CD96: variants seen among roughly 807,000 people sequenced by gnomAD.
The protein encoded by CD96 is T-cell surface protein tactile.
In CD96, 70 loss-of-function variants were observed where a neutral mutation model predicts 71.3. That is an observed-to-expected ratio of 0.98 (90% confidence interval 0.81 to 1.20). The LOEUF (loss-of-function observed/expected upper bound fraction) is 1.20, where lower values mean the gene tolerates loss of function less well. Ranked by LOEUF, CD96 falls within the 50% of genes most tolerant of loss-of-function variation. CD96 has a pLI of 0.00. For synonymous variants in CD96, 248 were observed against 233.0 expected (o/e 1.06, Z -0.59); for missense variants, 742 against 677.5 (o/e 1.10, Z -1.06).
intron 1 of CD96, 145 bp from the exon 2 acceptor site, chr3:111,544,901 A>G: frequency 1.4e-6 from 1 of 734,764 alleles, no homozygotes; most frequent in Non-Finnish European, 2.4e-6. Context: ...TCTGAGTGAG[A>G]CACAAGCTCT....
chr3:111,660,359 T>TGGA (rs1940326514), intron 14 of CD96, among the ~76,000 whole-genome samples: 1 of 152,078 alleles, frequency 6.6e-6, no homozygotes, highest in African/African-American at 2.4e-5. Flanking sequence ...TTGAAAGAAA[T>TGGA]CAGAGATGAC....
chr3:111,624,448 C>A, intron 10 of CD96, 44 bp downstream of exon 10: 2 of 1,059,156 alleles, frequency 1.9e-6, no homozygotes, highest in South Asian at 2.5e-5. Context: ...GGACTTCAGT[C>A]ATTCATCCGA....
At chr3:111,575,311 A>G (rs1936173331) in intron 3 of CD96, among the ~76,000 whole-genome samples, 1 of 152,266 alleles carries the variant, frequency 6.6e-6, no homozygotes, top group South Asian at 2.1e-4. Flanking sequence ...AAGGAGCACA[A>G]AAAGTTAGTG....
intron 5 of CD96, chr3:111,594,258 T>A: frequency 6.6e-7 from 1 of 1,509,496 alleles, no homozygotes; most frequent in Non-Finnish European, 8.9e-7. Flanking sequence ...AAAAGCTTAT[T>A]TGAACCACAA....
chr3:111,572,853 C>T (rs1475512953), intron 3 of CD96, among the ~76,000 whole-genome samples: 2 of 152,212 alleles, frequency 1.3e-5, no homozygotes, highest in Non-Finnish European at 2.9e-5. Context: ...TATGCCACAT[C>T]TGCCTGATCT....
chr3:111,617,028 C>A (rs1293086065), intron 8 of CD96, among the ~76,000 whole-genome samples: 7 of 152,220 alleles, frequency 4.6e-5, no homozygotes, highest in African/African-American at 1.7e-4. Context: ...ACTGTCACAA[C>A]CTGGCCAGGT....
At chr3:111,594,540 G>A in intron 5 of CD96, 1 of 242,954 alleles carries the variant, frequency 4.1e-6, no homozygotes, top group Non-Finnish European at 8.5e-6. Context: ...AAAGCTCTTT[G>A]ATGAACTCAG....
At chr3:111,566,005 A>C (rs1482544324) in intron 2 of CD96, among the ~76,000 whole-genome samples, 1 of 149,376 alleles carries the variant, frequency 6.7e-6, no homozygotes, top group Non-Finnish European at 1.5e-5. Flanking sequence ...GTATACTGTT[A>C]TATAGCATAT....
intron 8 of CD96, among the ~76,000 whole-genome samples, chr3:111,615,068 A>G (rs1053547237): frequency 2.0e-5 from 3 of 152,192 alleles, no homozygotes; most frequent in Non-Finnish European, 4.4e-5. Context: ...CCTGCTTTCA[A>G]CGTGAGGTGG....
intron 8 of CD96, among the ~76,000 whole-genome samples, chr3:111,620,136 A>G (rs1938449217): frequency 6.7e-6 from 1 of 149,856 alleles, no homozygotes; most frequent in Non-Finnish European, 1.5e-5. Context: ...GCTGGCCACA[A>G]TCTCCCACTA....
intron 2 of CD96, among the ~76,000 whole-genome samples, chr3:111,547,517 C>T (rs980155894): frequency 6.6e-6 from 1 of 152,058 alleles, no homozygotes; most frequent in Non-Finnish European, 1.5e-5. Flanking sequence ...ACTGATGTAC[C>T]TTATAGGAAA....
chr3:111,616,039 C>T (rs912799244), intron 8 of CD96, among the ~76,000 whole-genome samples: 1 of 152,080 alleles, frequency 6.6e-6, no homozygotes, highest in African/African-American at 2.4e-5. Context: ...ACTCCATGAC[C>T]ATCATATTTT....
At chr3:111,574,951 CT>C (rs11310598) in intron 3 of CD96, among the ~76,000 whole-genome samples, 97,039 of 145,574 alleles carry the variant, frequency 0.67, 32,059 homozygotes, top group Non-Finnish European at 0.68. Context: ...ACCCAGCTAA[CT>C]TTTTTTTTTT....
chr3:111,656,547 T>C (rs1423011758), downstream of CD96, among the ~76,000 whole-genome samples: 1 of 152,222 alleles, frequency 6.6e-6, no homozygotes, highest in Non-Finnish European at 1.5e-5. Flanking sequence ...TCAGAATATA[T>C]ATGCACAAGA....
At chr3:111,577,445 G>A in intron 3 of CD96, 1 of 1,206,966 alleles carries the variant, frequency 8.3e-7, no homozygotes, top group South Asian at 1.2e-5. Flanking sequence ...CTCCTCTGGG[G>A]GATCCTATCT....
intron 8 of CD96, among the ~76,000 whole-genome samples, chr3:111,620,001 G>T (rs1938441580): frequency 6.6e-6 from 1 of 152,198 alleles, no homozygotes; most frequent in African/African-American, 2.4e-5. Flanking sequence ...CTGAGGGCTT[G>T]TAAAAGCCCA....
intron 8 of CD96, among the ~76,000 whole-genome samples, chr3:111,618,443 C>T (rs988083589): frequency 5.3e-5 from 8 of 152,142 alleles, no homozygotes; most frequent in Non-Finnish European, 7.4e-5. Context: ...AATGAAGCTA[C>T]GACTCATACT....
intron 4 of CD96, among the ~76,000 whole-genome samples, chr3:111,581,406 A>G (rs1936461871): frequency 6.6e-6 from 1 of 152,154 alleles, no homozygotes; most frequent in African/African-American, 2.4e-5. Context: ...AGTCTCCCCA[A>G]AACACCCATG....
chr3:111,633,980 A>G (rs1027589668), intron 10 of CD96: 1 of 152,862 alleles, frequency 6.5e-6, no homozygotes, highest in Non-Finnish European at 1.5e-5. Flanking sequence ...AAAATGATGC[A>G]AGAATTCCAG....
Sources: gnomAD v4.1 joint callset for allele counts (sites outside exome capture counted in the v4.1 genomes callset) on GRCh38, gnomAD v4.1.1 for gene constraint, MANE v1.5 for transcripts, NCBI Gene and HGNC (gene_info 2026-07-23, HGNC 2026-07-21) for gene names.